The following IFT80 variants were observed in gnomAD, a reference collection of about 807,000 sequenced individuals.
IFT80 encodes the protein intraflagellar transport 80, also known as intraflagellar transport protein 80 homolog.
A neutral mutation model predicts 107.9 loss-of-function variants in IFT80; 79 were observed. That is an observed-to-expected ratio of 0.73 (90% CI 0.61 to 0.88). The LOEUF is 0.88. IFT80 is among the 40% of genes least tolerant of loss of function. The probability of loss-of-function intolerance (pLI) is 0.00; values close to 1 mark genes in which losing one functional copy is unlikely to be tolerated. For synonymous variants in IFT80, 299 were observed against 300.9 expected (o/e 0.99, Z 0.07); for missense variants, 797 against 914.2 (o/e 0.87, Z 1.65).
intron 8 of IFT80, among the ~76,000 whole-genome samples, chr3:160,328,005 C>T (rs907696208): frequency 6.6e-6 from 1 of 151,970 alleles, no homozygotes; most frequent in African/African-American, 2.4e-5. Flanking sequence ...AACAAACAAC[C>T]GCATTAAAAA....
In IFT80 at chr3:160,303,915, C is replaced by T; in HGVS notation, c.1151G>A (p.Arg384Lys). The T allele has an allele frequency of 6.3e-7, 1 of 1,591,476 alleles. No homozygotes were observed. The highest frequency in any genetic ancestry group is 8.6e-7 in the Non-Finnish European group (1 of 1,159,792). The change falls in exon 11 of 20, where the codon AGA becomes AAA. Residue 384 changes from arginine to lysine, a missense_variant and splice_region_variant. Transcript: ENST00000326448. Reference sequence around the variant, plus strand: ...CCAGTAGTTAAACATAATAAATTACCTTTCTGCCTGCAGAATCAAACTAAC... The same window carrying T: ...CCAGTAGTTAAACATAATAAATTACTTTTCTGCCTGCAGAATCAAACTAAC... ...GTVSLILQAERHFLLVDGSSI... is the reference protein window; with the variant it reads ...GTVSLILQAEKHFLLVDGSSI...
At chr3:160,383,895 C>T (rs1712715583) in intron 2 of IFT80, 3 of 985,348 alleles carry the variant, frequency 3.0e-6, no homozygotes, top group South Asian at 9.4e-5. Context: ...AAATAGAGCA[C>T]AGTGGAATGA....
intron 12 of IFT80, among the ~76,000 whole-genome samples, chr3:160,293,831 A>G (rs934917471): frequency 6.6e-6 from 1 of 152,172 alleles, no homozygotes; most frequent in African/African-American, 2.4e-5. Flanking sequence ...GTGCAATCAC[A>G]TGGCCAATGA....
intron 19 of IFT80, among the ~76,000 whole-genome samples, chr3:160,260,844 C>T (rs1712766863): frequency 6.6e-6 from 1 of 152,202 alleles, no homozygotes; most frequent in South Asian, 2.1e-4. Context: ...CATCCTCTAA[C>T]ACATTTCTCT....
chr3:160,274,238 T>C (rs540521313), intron 18 of IFT80, among the ~76,000 whole-genome samples: 70 of 152,262 alleles, frequency 4.6e-4, no homozygotes, highest in South Asian at 8.3e-4. Context: ...CTAAGGAATG[T>C]AGAGTGGAGA....
At chr3:160,363,846 C>T (rs1295584313) in intron 6 of IFT80, among the ~76,000 whole-genome samples, 1 of 152,148 alleles carries the variant, frequency 6.6e-6, no homozygotes, top group Non-Finnish European at 1.5e-5. Flanking sequence ...ACACCTTATA[C>T]AAAAATTAAT....
chr3:160,352,842 C>G (rs1720811787), intron 8 of IFT80, among the ~76,000 whole-genome samples: 2 of 152,136 alleles, frequency 1.3e-5, no homozygotes, highest in Non-Finnish European at 2.9e-5. Context: ...TCTCCTGAAC[C>G]TGTCTATTTC....
chr3:160,350,690 G>T lies in IFT80; in HGVS notation c.777+5323C>A, dbSNP rs114192008. Among the ~76,000 whole-genome samples the T allele has an allele frequency of 5.5e-3, 838 of 151,778 alleles. 7 individuals carry two copies. The highest frequency in any genetic ancestry group is 0.02 in the African/African-American group (811 of 41,450). Reference sequence around the variant, plus strand: ...ATTAGCTGGGCGTGGTGATGTGCGCGTGTAGTCCCAGTTACTTGTGAGGCT... The same window carrying T: ...ATTAGCTGGGCGTGGTGATGTGCGCTTGTAGTCCCAGTTACTTGTGAGGCT... On this transcript the variant is annotated intron_variant, in intron 8 of 19. Coordinates refer to ENST00000326448, the MANE Select transcript of IFT80 (RefSeq NM_020800.3).
chr3:160,316,945 C>A (rs1365643357), intron 9 of IFT80, among the ~76,000 whole-genome samples: 2 of 152,134 alleles, frequency 1.3e-5, no homozygotes, highest in East Asian at 3.8e-4. Flanking sequence ...TTATTTAAGC[C>A]TCTGAACCAA....
At chr3:160,381,239 A>AAT (rs56915671) in intron 3 of IFT80, among the ~76,000 whole-genome samples, 11,309 of 86,110 alleles carry the variant, frequency 0.13, 1,330 homozygotes, top group African/African-American at 0.2. Context: ...CCCATCTCTA[A>AAT]ATATATATAT....
rs187678062 is a variant in IFT80 at position 160,366,640 on chromosome 3, T to C, written c.440-488A>G. Among the ~76,000 whole-genome samples, 311 of 152,170 alleles carry C rather than the reference T, an allele frequency of 2.0e-3. 6 individuals carry two copies. Among genetic ancestry groups the C allele is most frequent in the Non-Finnish European group, 8.2e-4 (56 of 67,960 alleles). On this transcript the variant is annotated intron_variant, in intron 5 of 19. Transcript: ENST00000326448. Reference sequence around the variant, plus strand: ...AGCAGTCTTGGGGCTTGGCTGCACATTGTAATCACCTAGCAAGCTTTTTAA... The same window carrying C: ...AGCAGTCTTGGGGCTTGGCTGCACACTGTAATCACCTAGCAAGCTTTTTAA...
chr3:160,266,907 G>A (rs1303874316), intron 19 of IFT80, among the ~76,000 whole-genome samples: 3 of 151,992 alleles, frequency 2.0e-5, no homozygotes, highest in Admixed American at 6.5e-5. Flanking sequence ...CACTGTTTTG[G>A]TGGTGGCTGC....
rs534779078 is a variant in IFT80 at position 160,290,378 on chromosome 3, G to A, written c.1316-4510C>T. Among the ~76,000 whole-genome samples the A allele has an allele frequency of 1.3e-4, 19 of 149,974 alleles. No individual in the cohort carries two copies. The South Asian group carries it at 3.4e-3, about 27-fold the overall frequency. Reference sequence around the variant, plus strand: ...AGCCAAGGTCATGCCACTGCACTCCGGCCTGGGCAACAGCGCGAGACTGTC... The same window carrying A: ...AGCCAAGGTCATGCCACTGCACTCCAGCCTGGGCAACAGCGCGAGACTGTC... On this transcript the variant is annotated intron_variant, in intron 12 of 19. Coordinates refer to ENST00000326448, the MANE Select transcript of IFT80 (RefSeq NM_020800.3).
Position 160,307,758 on chromosome 3 carries a change from T to C in IFT80, c.981A>G (p.Ala327=). 1 of 1,582,322 alleles carries C rather than the reference T, an allele frequency of 6.3e-7. No homozygotes were observed. The highest frequency in any genetic ancestry group is 8.7e-7 in the Non-Finnish European group (1 of 1,151,258). The change falls in exon 10 of 20, where the codon GCA becomes GCG. Residue 327 remains alanine (A), a synonymous_variant. Coordinates refer to ENST00000326448, the MANE Select transcript of IFT80 (RefSeq NM_020800.3). The part of the protein sequence containing the change: ...AMQVRNVLND[A]VDLLEFRDRV... ...TATCACGGAATTCCAGTAAATCCACTGCATCATTAAGAACATTACGAACCT... is the reference window on the plus strand; with the variant it reads ...TATCACGGAATTCCAGTAAATCCACCGCATCATTAAGAACATTACGAACCT...
At chr3:160,264,407 C>A (rs1713121415) in intron 19 of IFT80, among the ~76,000 whole-genome samples, 1 of 150,556 alleles carries the variant, frequency 6.6e-6, no homozygotes, top group South Asian at 2.1e-4. Flanking sequence ...CTGTGCCTGG[C>A]CAGGGATCAG....
intron 7 of IFT80, 137 bp from the exon 8 acceptor site, chr3:160,356,287 G>A: frequency 1.4e-6 from 1 of 699,948 alleles, no homozygotes; most frequent in South Asian, 2.1e-5. Flanking sequence ...CAGTAAGGTA[G>A]TAAATAAAAA....
intron 3 of IFT80, among the ~76,000 whole-genome samples, chr3:160,378,704 C>A (rs1712232451): frequency 6.6e-6 from 1 of 150,642 alleles, no homozygotes; most frequent in Non-Finnish European, 1.5e-5. Context: ...AAATCTAGGG[C>A]ACTTTTAACA....
chr3:160,394,570 T>C (rs1713632971), intron 1 of IFT80, among the ~76,000 whole-genome samples: 1 of 152,116 alleles, frequency 6.6e-6, no homozygotes, highest in African/African-American at 2.4e-5. Context: ...ACTTCAATAT[T>C]ATTCGTATTG....
intron 14 of IFT80, 23 bp downstream of exon 14, chr3:160,282,455 A>C (rs1352378439): frequency 6.8e-7 from 1 of 1,468,630 alleles, no homozygotes; most frequent in Non-Finnish European, 9.4e-7. Context: ...ATTAAAACTT[A>C]AAATGTATTA....
Sources: allele counts gnomAD v4.1 joint callset (sites outside exome capture counted in the v4.1 genomes callset), GRCh38; gene constraint gnomAD v4.1.1; transcripts MANE v1.5; gene names NCBI Gene and HGNC (gene_info 2026-07-23, HGNC 2026-07-21).